KIF23: variants seen among roughly 807,000 people sequenced by gnomAD.
The protein encoded by KIF23 is kinesin-like protein KIF23.
In KIF23, 30 loss-of-function variants were observed where a neutral mutation model predicts 137.5. That is an observed-to-expected ratio of 0.22 (90% CI 0.16 to 0.30). KIF23 has a LOEUF of 0.30. Among genes scored for constraint, KIF23 ranks in the 10% least tolerant of loss-of-function variants. KIF23 has a pLI of 1.00. For synonymous variants in KIF23, 367 were observed against 391.1 expected (o/e 0.94, Z 0.73); for missense variants, 920 against 1,194.3 (o/e 0.77, Z 3.38).
In KIF23 at chr15:69,436,590, CAG is replaced by C. The variant is rs1220108679; in HGVS notation, c.1468_1469del (p.Ser490PhefsTer15). 1 of 1,611,302 alleles carries C rather than the reference CAG, an allele frequency of 6.2e-7. No individual in the cohort carries two copies. The highest frequency in any genetic ancestry group is 1.3e-5 in the African/African-American group (1 of 74,798). ...ACCATTGGTTACTGACGTGGTTTTG[CAG>C]AGTTTTCCACCTTTGCCATCATGCG... The part of the protein sequence containing the change: ...NEPLVTDVVL[Q>X]SFPPLPSCEI... On this transcript the variant is annotated frameshift_variant, in exon 15 of 24. Transcript: ENST00000679126. LOFTEE classifies it high-confidence loss of function.
In KIF23 at chr15:69,436,605, T is replaced by C. The variant is rs1255261845; in HGVS notation, c.1480T>C (p.Leu494=). ...CGTGGTTTTGCAGAGTTTTCCACCT[T>C]TGCCATCATGCGAAATTTTGGATAT... ...TDVVLQSFPP[L]PSCEILDIND... is the part of the protein sequence containing the mutation. The change falls in exon 15 of 24, where the codon TTG becomes CTG. Residue 494 remains leucine, a synonymous_variant. Transcript: ENST00000679126. The C allele has an allele frequency of 1.2e-6, 2 of 1,613,018 alleles. No individual in the cohort carries two copies. Among genetic ancestry groups the C allele is most frequent in the East Asian group, 4.5e-5 (2 of 44,856 alleles).
chr15:69,441,219 G>T, intron 19 of KIF23, 140 bp downstream of exon 19: 6 of 812,500 alleles, frequency 7.4e-6, no homozygotes, highest in East Asian at 2.7e-5. Flanking sequence ...TAATTTGAAA[G>T]ATTGACTTAC....
At chr15:69,431,481 G>A (rs1403251242) in intron 11 of KIF23, among the ~76,000 whole-genome samples, 1 of 152,190 alleles carries the variant, frequency 6.6e-6, no homozygotes, top group Non-Finnish European at 1.5e-5. Flanking sequence ...GGGCGTGGTG[G>A]TGGGCGCCTG....
chr15:69,444,703 A>G lies in KIF23; in HGVS notation c.2422-87A>G, dbSNP rs1023979114. 5.2e-6 allele frequency: 7 copies of G among 1,343,614 alleles called. No homozygotes were observed. The highest frequency in any genetic ancestry group is 1.9e-4 in the Middle Eastern group (1 of 5,236). 83.2% of individuals were successfully genotyped at this position (1,343,614 alleles called of 1,614,324 possible). A position where few individuals can be genotyped will look rare whatever the true frequency, so the allele number is the denominator to read the frequency against. ...ATATTTAGCTTTGGAAAGGTTTGCT[A>G]TGATACTGTCATCAACTAATGTAGC... On this transcript the variant is annotated intron_variant, in intron 19 of 23. Transcript: ENST00000679126. This position sits in a 1 kb window ranked among gnomAD's most constrained non-coding sequence, Gnocchi z 4.2.
chr15:69,428,639 G>T (rs1306137814), intron 10 of KIF23, among the ~76,000 whole-genome samples: 4 of 117,588 alleles, frequency 3.4e-5, no homozygotes, highest in African/African-American at 1.4e-4. Context: ...CAGCCGGGAG[G>T]TAGAGCGAGA....
chr15:69,446,791 G>A, intron 22 of KIF23, 80 bp from the exon 23 acceptor site: 1 of 1,218,488 alleles, frequency 8.2e-7, no homozygotes, highest in Non-Finnish European at 1.2e-6. Context: ...TTTCACCTAG[G>A]TGTGGAGCCT....
At position 69,445,050 on chromosome 15, in the gene KIF23, C is replaced by T; in HGVS notation, c.2673+9C>T. ...AAACTAAACTAATTAAGGTAAAAAACTAATTTTCACAGGAGAAAAAAATAT... is the reference window on the plus strand; with the variant it reads ...AAACTAAACTAATTAAGGTAAAAAATTAATTTTCACAGGAGAAAAAAATAT... On this transcript the variant is annotated intron_variant, in intron 20 of 23. Coordinates refer to ENST00000679126, the MANE Select transcript of KIF23 (RefSeq NM_001367805.3). 6.3e-7 allele frequency: 1 copy of T among 1,592,330 alleles called. No homozygotes were observed. Among genetic ancestry groups the T allele is most frequent in the Non-Finnish European group, 8.6e-7 (1 of 1,169,460 alleles).
rs1350943462 is a variant in KIF23, at chr15:69,447,780, G to T, written c.2910-12G>T. The T allele has an allele frequency of 1.2e-6, 2 of 1,601,570 alleles. No homozygotes were observed. The highest frequency in any genetic ancestry group is 2.7e-5 in the African/African-American group (2 of 74,786). On this transcript the variant is annotated splice_polypyrimidine_tract_variant and intron_variant, in intron 23 of 23. Transcript: ENST00000679126. ...CAAAGTTCAACTCTAAGTGCTGGTT[G>T]TTATGTTTTAGGCGCAAAAAGCCAT...
intron 19 of KIF23, among the ~76,000 whole-genome samples, chr15:69,442,837 A>G (rs1178747164): frequency 6.6e-6 from 1 of 152,244 alleles, no homozygotes; most frequent in African/African-American, 2.4e-5. Flanking sequence ...CAGAAAAGTT[A>G]CTGTAAGGTT....
At chr15:69,447,256 G>T (rs138877853) in intron 23 of KIF23, among the ~76,000 whole-genome samples, 87 of 152,272 alleles carry the variant, frequency 5.7e-4, no homozygotes, top group Non-Finnish European at 7.9e-4. Flanking sequence ...AAGGAGGGAA[G>T]GCTAAAGGCT....
At chr15:69,416,677 G>A (rs962858637) in intron 2 of KIF23, among the ~76,000 whole-genome samples, 5 of 152,250 alleles carry the variant, frequency 3.3e-5, no homozygotes, top group South Asian at 2.1e-4. Flanking sequence ...TCTGTAGGCT[G>A]GGTGCGGTGG....
rs2057702613 is a variant in KIF23 at position 69,444,599 on chromosome 15, T to C, written c.2422-191T>C. On this transcript the variant is annotated intron_variant, in intron 19 of 23. Transcript: ENST00000679126. This position sits in a 1 kb window ranked among gnomAD's most constrained non-coding sequence, Gnocchi z 4.2. The stretch of plus-strand genomic sequence containing the variant: ...AAGGGAAACTCCCAGATAGAATGTG[T>C]AACATACAAGTTGGTGTTAAAGATG... The C allele has an allele frequency of 1.7e-6, 1 of 590,136 alleles. No homozygotes were observed. Among genetic ancestry groups the C allele is most frequent in the African/African-American group, 1.9e-5 (1 of 53,204 alleles). The allele number at this position is 590,136 out of a possible 1,614,324, so 36.6% of individuals were successfully genotyped here. A position where few individuals can be genotyped will look rare whatever the true frequency, so the allele number is the denominator to read the frequency against.
intron 20 of KIF23, among the ~76,000 whole-genome samples, chr15:69,445,601 T>C (rs967382603): frequency 6.6e-6 from 1 of 152,150 alleles, no homozygotes; most frequent in Non-Finnish European, 1.5e-5. Context: ...TTTTTGTTCT[T>C]ATTATAATTA....
chr15:69,435,937 G>T (rs1452147251), intron 13 of KIF23, among the ~76,000 whole-genome samples, 166 bp downstream of exon 13: 1 of 152,136 alleles, frequency 6.6e-6, no homozygotes, highest in South Asian at 2.1e-4. Context: ...ATCCCAACAT[G>T]TTGGGAAGCT....
rs1363901739 is a variant in KIF23, at chr15:69,425,311, A to G, written c.764A>G (p.Asn255Ser). 1.3e-6 allele frequency: 2 copies of G among 1,535,806 alleles called. No homozygotes were observed. Among genetic ancestry groups the G allele is most frequent in the Non-Finnish European group, 1.7e-6 (2 of 1,146,814 alleles). Reference sequence around the variant, plus strand: ...AACAGTTGCAGCACACCCATGAGGAACACAGATTTTGTGTATGTGATGGTG... The same window carrying G: ...AACAGTTGCAGCACACCCATGAGGAGCACAGATTTTGTGTATGTGATGGTG... ...KWNSCSTPMR[N>S]TDFVPPQSKL... The change falls in exon 8 of 24, where the codon AAC becomes AGC. Residue 255 changes from asparagine to serine, a missense_variant. Physicochemically the swap from Asn to Ser is conservative, Grantham distance 46. Transcript: ENST00000679126.
intron 7 of KIF23, among the ~76,000 whole-genome samples, chr15:69,423,787 TATG>T (rs998483923): frequency 6.6e-5 from 10 of 152,204 alleles, no homozygotes; most frequent in African/African-American, 2.4e-4. Flanking sequence ...ATTAATATGG[TATG>T]ATATCTGCAC....
At chr15:69,421,873 G>A (rs1257322938) in intron 4 of KIF23, 119 bp from the exon 5 acceptor site, 3 of 1,311,266 alleles carry the variant, frequency 2.3e-6, no homozygotes, top group Non-Finnish European at 3.2e-6. Context: ...ATTTGTTAGG[G>A]TGGTGCTAAA....
Position 69,441,070 on chromosome 15 carries a change from T to C in KIF23, c.2412T>C (p.His804=). Residue 804 remains histidine, a synonymous_variant, in exon 19 of 24, where the codon CAT becomes CAC. Coordinates refer to ENST00000679126, the MANE Select transcript of KIF23 (RefSeq NM_001367805.3). ...FRNEIEIEED[H]CGRLLFQPDQ... ...ATGAGATAGAAATAGAAGAGGATCA[T>C]TGCGGCAGGGTTAGTGCCAGTATTA... The C allele has an allele frequency of 1.9e-6, 3 of 1,610,190 alleles. No homozygotes were observed. The highest frequency in any genetic ancestry group is 2.5e-6 in the Non-Finnish European group (3 of 1,176,912).
chr15:69,421,940 T>C, intron 4 of KIF23, 52 bp from the exon 5 acceptor site: 3 of 1,595,102 alleles, frequency 1.9e-6, no homozygotes, highest in Non-Finnish European at 2.6e-6. Context: ...GAAGAAATAC[T>C]CTAAGTGGAG....
Sources: gnomAD v4.1 joint callset for allele counts (sites outside exome capture counted in the v4.1 genomes callset) on GRCh38, gnomAD v4.1.1 for gene constraint, Gnocchi (gnomAD v3.1) non-coding constraint, MANE v1.5 for transcripts, NCBI Gene and HGNC (gene_info 2026-07-23, HGNC 2026-07-21) for gene names.